Variants in RBPMS observed in about 807,000 individuals in gnomAD.
RBPMS encodes RNA binding protein, mRNA processing factor.
In RBPMS, 7 loss-of-function variants were observed where a neutral mutation model predicts 26.8. The observed-to-expected ratio is 0.26, with a 90% confidence interval of 0.15 to 0.49. RBPMS has a LOEUF of 0.49. RBPMS is among the 20% of genes least tolerant of loss of function. The pLI is 0.98. For missense variants in RBPMS, 186 were observed against 250.0 expected, an observed-to-expected ratio of 0.74 and a Z score of 1.73; for synonymous variants, 96 against 93.3, an observed-to-expected ratio of 1.03 and a Z score of -0.17.
intron 1 of RBPMS, among the ~76,000 whole-genome samples, chr8:30,433,026 C>T (rs1167065984): frequency 6.6e-6 from 1 of 152,150 alleles, no homozygotes; most frequent in African/African-American, 2.4e-5. Context: ...ATGTCTTTTG[C>T]CTAAGAATAG....
Position 30,427,439 on chromosome 8 carries a change from G to A in RBPMS, c.66+42281G>A, listed in dbSNP as rs948694454. On this transcript the variant is annotated intron_variant, in intron 1 of 8. Transcript: ENST00000397323. ...TCACACTGAGTTCACTCACCTTTAC[G>A]TATTTCAGCACATCTTGTTCTTTAC... 4.1e-4 allele frequency among the ~76,000 whole-genome samples: 62 copies of A among 152,104 alleles called. 1 individual carries two copies. Among genetic ancestry groups the A allele is most frequent in the African/African-American group, 1.4e-3 (59 of 41,484 alleles).
At position 30,567,431 on chromosome 8, in the gene RBPMS, T is replaced by C. The variant is rs555373622; in HGVS notation, c.*111+1071T>C. On this transcript the variant is annotated intron_variant, in intron 8 of 8. Transcript: ENST00000397323. ...TGTTTCTTGCACTAACCCAAGCTTT[T>C]TTCACATCACATAGGGCAGCTGGGT... Among the ~76,000 whole-genome samples the C allele has an allele frequency of 1.3e-3, 205 of 152,338 alleles. 3 individuals are homozygous for C. The highest frequency in any genetic ancestry group is 0.012 in the South Asian group (59 of 4,830).
chr8:30,445,529 A>T (rs1198449433), intron 1 of RBPMS, among the ~76,000 whole-genome samples: 2 of 151,632 alleles, frequency 1.3e-5, no homozygotes, highest in African/African-American at 4.8e-5. Flanking sequence ...TCTTTTAAAA[A>T]TTCTCTGTAG....
intron 4 of RBPMS, among the ~76,000 whole-genome samples, chr8:30,499,230 G>A (rs1820303562): frequency 6.6e-6 from 1 of 152,116 alleles, no homozygotes. Context: ...AGATCATGCC[G>A]CTGCACTGTA....
At chr8:30,419,043 A>G (rs1222307268) in intron 1 of RBPMS, among the ~76,000 whole-genome samples, 2 of 150,864 alleles carry the variant, frequency 1.3e-5, no homozygotes, top group Non-Finnish European at 2.9e-5. Context: ...CATCATCTGC[A>G]TAGAAAATCC....
intron 4 of RBPMS, among the ~76,000 whole-genome samples, chr8:30,492,291 C>T (rs1819482685): frequency 6.6e-6 from 1 of 152,206 alleles, no homozygotes; most frequent in Non-Finnish European, 1.5e-5. Flanking sequence ...TTCACACATG[C>T]ATGCATCCAT....
chr8:30,506,026 G>A (rs1821038543), intron 5 of RBPMS, among the ~76,000 whole-genome samples: 1 of 152,054 alleles, frequency 6.6e-6, no homozygotes, highest in Middle Eastern at 3.2e-3. Context: ...TCAATTCTTT[G>A]CTGAATGCTC....
intron 4 of RBPMS, among the ~76,000 whole-genome samples, chr8:30,481,279 T>C (rs1286806731): frequency 1.3e-5 from 2 of 152,060 alleles, no homozygotes; most frequent in Admixed American, 1.3e-4. Flanking sequence ...AGTTTTTTGC[T>C]TGTTTGTTTT....
At chr8:30,484,780 GC>G (rs1167793780) in intron 4 of RBPMS, among the ~76,000 whole-genome samples, 4 of 152,106 alleles carry the variant, frequency 2.6e-5, no homozygotes, top group African/African-American at 9.7e-5. Flanking sequence ...GGAAAACTTA[GC>G]CCTATTTTCA....
chr8:30,386,589 A>T (rs566730296), intron 1 of RBPMS, among the ~76,000 whole-genome samples: 1 of 152,278 alleles, frequency 6.6e-6, no homozygotes, highest in Non-Finnish European at 1.5e-5. Flanking sequence ...TTTCAAAGCG[A>T]TGGAGAGTTG....
intron 2 of RBPMS, among the ~76,000 whole-genome samples, chr8:30,475,911 G>T (rs1817642720): frequency 6.6e-6 from 1 of 152,188 alleles, no homozygotes; most frequent in South Asian, 2.1e-4. Flanking sequence ...CAGGTCAGGT[G>T]GGAGGAAGTG....
At chr8:30,570,596 G>A (rs964199662) in intron 8 of RBPMS, 41 bp from the exon 9 acceptor site, 4 of 152,688 alleles carry the variant, frequency 2.6e-5, no homozygotes, top group African/African-American at 9.7e-5. Flanking sequence ...CTAGGGAGGG[G>A]TTGACACCTG....
chr8:30,470,288 G>T (rs1448697239), intron 1 of RBPMS, among the ~76,000 whole-genome samples: 1 of 151,960 alleles, frequency 6.6e-6, no homozygotes, highest in Admixed American at 6.6e-5. Flanking sequence ...GGAGGCTAAG[G>T]CAGGAGAATG....
At chr8:30,412,661 A>C (rs1355098733) in intron 1 of RBPMS, among the ~76,000 whole-genome samples, 3 of 152,188 alleles carry the variant, frequency 2.0e-5, no homozygotes, top group Non-Finnish European at 2.9e-5. Flanking sequence ...AATTATTTGA[A>C]GTTGGTTCAT....
At chr8:30,549,808 CT>C (rs71521624) in intron 6 of RBPMS, among the ~76,000 whole-genome samples, 79 of 86,732 alleles carry the variant, frequency 9.1e-4, no homozygotes, top group South Asian at 1.6e-3. Flanking sequence ...CCTCTCTCCT[CT>C]CTCTCTCTCT....
chr8:30,490,093 A>C (rs1407666907), intron 4 of RBPMS, among the ~76,000 whole-genome samples: 1 of 151,640 alleles, frequency 6.6e-6, no homozygotes, highest in African/African-American at 2.4e-5. Flanking sequence ...ATTACAGGCG[A>C]GAGCCACCAC....
chr8:30,504,476 A>C, intron 5 of RBPMS, 40 bp downstream of exon 5: 1 of 1,595,936 alleles, frequency 6.3e-7, no homozygotes, highest in Non-Finnish European at 8.6e-7. Flanking sequence ...AATAATAACT[A>C]AGAACTGTTC....
At chr8:30,526,882 A>G (rs1423660744) in intron 5 of RBPMS, among the ~76,000 whole-genome samples, 1 of 152,216 alleles carries the variant, frequency 6.6e-6, no homozygotes, top group African/African-American at 2.4e-5. Flanking sequence ...GAACTCAGCA[A>G]CAGATTTTAA....
intron 5 of RBPMS, among the ~76,000 whole-genome samples, chr8:30,515,556 G>A (rs1822218286): frequency 6.6e-6 from 1 of 152,062 alleles, no homozygotes; most frequent in Non-Finnish European, 1.5e-5. Context: ...TATTAAACTA[G>A]ATACTAAAGA....
Sources: allele counts gnomAD v4.1 joint callset (sites outside exome capture counted in the v4.1 genomes callset), GRCh38; gene constraint gnomAD v4.1.1; transcripts MANE v1.5; gene names NCBI Gene and HGNC (gene_info 2026-07-23, HGNC 2026-07-21).